Variants in LYST observed in about 807,000 individuals in gnomAD.
LYST encodes lysosomal-trafficking regulator.
A neutral mutation model predicts 413.6 loss-of-function variants in LYST; 192 were observed. The observed-to-expected ratio is 0.46, with a 90% CI of 0.41 to 0.52. The LOEUF is 0.52. Among genes scored for constraint, LYST ranks in the 20% least tolerant of loss-of-function variants. The probability of loss-of-function intolerance (pLI) is 0.00; values close to 1 mark genes in which losing one functional copy is unlikely to be tolerated. For missense variants in LYST, 3,815 were observed against 4,499.9 expected (o/e 0.85, Z 4.35); for synonymous variants, 1,525 against 1,567.3 (o/e 0.97, Z 0.64).
chr1:235,744,308 T>C, intron 29 of LYST, 151 bp from the exon 30 acceptor site: 1 of 594,584 alleles, frequency 1.7e-6, no homozygotes, highest in Non-Finnish European at 3.0e-6. Flanking sequence ...ATGTAATAGA[T>C]ACAATGTAGT....
intron 1 of LYST, among the ~76,000 whole-genome samples, chr1:235,847,345 C>T (rs564299416): frequency 4.1e-4 from 63 of 152,258 alleles, no homozygotes; most frequent in African/African-American, 1.5e-3. Flanking sequence ...TTCGCCATCA[C>T]CAAGCCACCA....
At chr1:235,839,525 G>A (rs1676959205) in intron 1 of LYST, 1 of 152,216 alleles carries the variant, frequency 6.6e-6, no homozygotes, top group South Asian at 2.1e-4. Context: ...TGGGCATGGT[G>A]GCTCATGCAT....
chr1:235,696,090 C>T (rs1661081557), intron 46 of LYST, among the ~76,000 whole-genome samples: 1 of 152,202 alleles, frequency 6.6e-6, no homozygotes, highest in Non-Finnish European at 1.5e-5. Flanking sequence ...CAGTTCTACC[C>T]TATCCTATTA....
At chr1:235,799,576 A>G (rs1397993843) in intron 10 of LYST, among the ~76,000 whole-genome samples, 3 of 152,152 alleles carry the variant, frequency 2.0e-5, no homozygotes, top group African/African-American at 7.2e-5. Context: ...TACAAACCAA[A>G]ATTAAAGTCT....
Position 235,662,784 on chromosome 1 carries a change from ACT to A in LYST, c.*154_*155del. ...AGAACTTTCCTCTTAGGATCATGTG[ACT>A]CTTCAGAATTTTGTGCAGATGAATA... On this transcript the variant is annotated 3_prime_UTR_variant, in exon 53 of 53. Coordinates refer to ENST00000389793, the MANE Select transcript of LYST (RefSeq NM_000081.4). 2.7e-6 allele frequency: 2 copies of A among 748,832 alleles called. No homozygotes were observed. The highest frequency in any genetic ancestry group is 4.9e-6 in the Non-Finnish European group (2 of 407,400). The allele number at this position is 748,832 out of a possible 1,614,324, so 46.4% of individuals were successfully genotyped here. A position where few individuals can be genotyped will look rare whatever the true frequency, so the allele number is the denominator to read the frequency against.
chr1:235,666,590 G>GCACACACACA (rs1214218772), intron 50 of LYST, among the ~76,000 whole-genome samples: 5 of 74,518 alleles, frequency 6.7e-5, no homozygotes, highest in South Asian at 3.3e-4. Flanking sequence ...AGACACACAT[G>GCACACACACA]CACACACACA....
In LYST at chr1:235,787,196, C is replaced by CT; in HGVS notation, c.4862+3dup. On this transcript the variant is annotated splice_donor_region_variant and intron_variant, in intron 14 of 52. Coordinates refer to ENST00000389793, the MANE Select transcript of LYST (RefSeq NM_000081.4). The stretch of plus-strand genomic sequence containing the variant: ...GAGATGCATTTTCTCAAAATGCTTC[C>CT]TACCTCTGTCCAGAGACCCATATGG... 6.2e-7 allele frequency: 1 copy of CT among 1,611,734 alleles called. No homozygotes were observed. Among genetic ancestry groups the CT allele is most frequent in the Middle Eastern group, 1.7e-4 (1 of 6,048 alleles).
In LYST at chr1:235,716,809, A is replaced by G. The variant is rs890635797; in HGVS notation, c.9561-31T>C. ...AGAAAAGGACAATTTTAAAAATTAAATATTTTGATACTGTCAAGATTAAGC... is the reference window on the plus strand; with the variant it reads ...AGAAAAGGACAATTTTAAAAATTAAGTATTTTGATACTGTCAAGATTAAGC... On this transcript the variant is annotated intron_variant, in intron 40 of 52. Transcript: ENST00000389793. 10 of 1,312,498 alleles carry G rather than the reference A, an allele frequency of 7.6e-6. No homozygotes were observed. The Admixed American group carries it at 1.2e-4, about 15-fold the overall frequency. The allele number at this position is 1,312,498 out of a possible 1,614,324, so 81.3% of individuals were successfully genotyped here. A position where few individuals can be genotyped will look rare whatever the true frequency, so the allele number is the denominator to read the frequency against.
chr1:235,844,929 C>A (rs1677621703), intron 1 of LYST, among the ~76,000 whole-genome samples: 1 of 152,072 alleles, frequency 6.6e-6, no homozygotes, highest in African/African-American at 2.4e-5. Flanking sequence ...ATGTGTTAAG[C>A]AATAACCATC....
intron 48 of LYST, among the ~76,000 whole-genome samples, chr1:235,678,542 A>G (rs1181599211): frequency 6.6e-6 from 1 of 152,204 alleles, no homozygotes; most frequent in East Asian, 1.9e-4. Flanking sequence ...TAGGTTAACT[A>G]TTATCATAAA....
In LYST at chr1:235,802,975, T is replaced by A; in HGVS notation, c.3645A>T (p.Leu1215Phe). 1 of 1,613,524 alleles carries A rather than the reference T, an allele frequency of 6.2e-7. No homozygotes were observed. Among genetic ancestry groups the A allele is most frequent in the East Asian group, 2.2e-5 (1 of 44,788 alleles). Reference protein sequence around the residue: ...EDSQCCSFKLLVEEEGYEADS... With the variant: ...EDSQCCSFKLFVEEEGYEADS... ...CTGCTTCGTAACCTTCTTCTTCAAC[T>A]AAAAGTTTAAAACTACAACACTGAG... Residue 1215 changes from leucine to phenylalanine, a missense_variant, in exon 8 of 53, where the codon TTA (leucine) becomes TTT (phenylalanine). Coordinates refer to ENST00000389793, the MANE Select transcript of LYST (RefSeq NM_000081.4).
chr1:235,753,385 G>A, intron 25 of LYST, 111 bp from the exon 26 acceptor site: 1 of 710,714 alleles, frequency 1.4e-6, no homozygotes, highest in Admixed American at 2.2e-5. Context: ...ATAAAAACAA[G>A]TTGGGGGAGT....
intron 20 of LYST, among the ~76,000 whole-genome samples, chr1:235,767,436 A>G (rs1668252216): frequency 6.6e-6 from 1 of 152,138 alleles, no homozygotes; most frequent in South Asian, 2.1e-4. Context: ...GCAAAGACTA[A>G]GACAGGAACA....
chr1:235,776,998 CTTTAA>C lies in LYST; in HGVS notation c.5460+60_5460+64del, dbSNP rs1558228897. ...TTTTTCGTGTGGTCCAAAAGAAATC[CTTTAA>C]TTTATCAATAATAAGTAAGTCATTT... On this transcript the variant is annotated intron_variant, in intron 17 of 52. Coordinates refer to ENST00000389793, the MANE Select transcript of LYST (RefSeq NM_000081.4). 4.1e-6 allele frequency: 6 copies of C among 1,452,164 alleles called. No homozygotes were observed. In the South Asian group the frequency reaches 7.1e-5, roughly 17 times the overall value. The allele number at this position is 1,452,164 out of a possible 1,614,324, so 90.0% of individuals were successfully genotyped here.
intron 50 of LYST, among the ~76,000 whole-genome samples, chr1:235,667,133 T>C (rs1357923052): frequency 6.6e-6 from 1 of 152,236 alleles, no homozygotes; most frequent in Non-Finnish European, 1.5e-5. Context: ...CTCGAATGTA[T>C]AATTTAACAC....
At position 235,662,621 on chromosome 1, in the gene LYST, G is replaced by C. The variant is rs747290064; in HGVS notation, c.*319C>G. 124 of 363,732 alleles carry C rather than the reference G, an allele frequency of 3.4e-4. No homozygotes were observed. The highest frequency in any genetic ancestry group is 3.4e-3 in the Admixed American group (82 of 24,280). 22.5% of individuals were successfully genotyped at this position (363,732 alleles called of 1,614,324 possible). A position where few individuals can be genotyped will look rare whatever the true frequency, so the allele number is the denominator to read the frequency against. ...GTCCTTTTGGAATCATAGAAAAAGG[G>C]GAGACCTTAATATTTTCTTTGGAAT... On this transcript the variant is annotated 3_prime_UTR_variant, in exon 53 of 53. Transcript: ENST00000389793.
At chr1:235,804,113 A>T (rs1450233755) in intron 7 of LYST, among the ~76,000 whole-genome samples, 1 of 152,168 alleles carries the variant, frequency 6.6e-6, no homozygotes, top group Non-Finnish European at 1.5e-5. Context: ...AGAGTTCTGG[A>T]AATATTAGCT....
Position 235,715,349 on chromosome 1 carries a change from C to T in LYST, c.9636G>A (p.Glu3212=), listed in dbSNP as rs1233600710. The change falls in exon 42 of 53, where the codon GAG becomes GAA. Residue 3212 remains glutamate (E), a synonymous_variant. Coordinates refer to ENST00000389793, the MANE Select transcript of LYST (RefSeq NM_000081.4). Reference sequence around the variant, plus strand: ...CTCTGGCTCCTTTGCGGTACTCTTCCTCCAAGTACTGAAAGAAACGGTGAA... The same window carrying T: ...CTCTGGCTCCTTTGCGGTACTCTTCTTCCAAGTACTGAAAGAAACGGTGAA... ...DRYVDTYKYL[E]EEYRKGARED... The T allele has an allele frequency of 3.1e-6, 5 of 1,613,810 alleles. No individual in the cohort carries two copies. The highest frequency in any genetic ancestry group is 2.2e-5 in the East Asian group (1 of 44,874).
At chr1:235,802,043 A>G (rs748647939) in intron 8 of LYST, among the ~76,000 whole-genome samples, 13 of 151,962 alleles carry the variant, frequency 8.6e-5, no homozygotes, top group Non-Finnish European at 1.2e-4. Flanking sequence ...AAAATATAAC[A>G]ATTAGCTGGG....
Sources: gnomAD v4.1 joint callset for allele counts (sites outside exome capture counted in the v4.1 genomes callset) on GRCh38, gnomAD v4.1.1 for gene constraint, MANE v1.5 for transcripts, NCBI Gene and HGNC (gene_info 2026-07-23, HGNC 2026-07-21) for gene names.